The following DNMT3A variants were observed in gnomAD, a reference collection of about 807,000 sequenced individuals.
The protein encoded by DNMT3A is DNA methyltransferase 3 alpha, also known as DNA (cytosine-5)-methyltransferase 3A.
In DNMT3A, 267 loss-of-function variants were observed where a neutral mutation model predicts 117.6. That is an observed-to-expected ratio of 2.27 (90% CI 2.05 to 2.51). DNMT3A has a LOEUF of 2.51. DNMT3A is among the 30% of genes most tolerant of loss of function. The pLI is 0.00. For synonymous variants in DNMT3A, 432 were observed against 474.8 expected, an observed-to-expected ratio of 0.91 and a Z score of 1.17; for missense variants, 1,029 against 1,260.2, an observed-to-expected ratio of 0.82 and a Z score of 2.78.
chr2:25,314,728 AGGAG>A, intron 1 of DNMT3A: 2 of 985,146 alleles, frequency 2.0e-6, no homozygotes, highest in Non-Finnish European at 2.4e-6. Context: ...GCTCTGGCCT[AGGAG>A]GGAGAGGCCA....
At position 25,230,648 on chromosome 2, in the gene DNMT3A, C is replaced by G. The variant is rs918661056; in HGVS notation, c.*3631G>C. On this transcript the variant is annotated 3_prime_UTR_variant, in exon 23 of 23. Coordinates refer to ENST00000321117, the MANE Select transcript of DNMT3A (RefSeq NM_022552.5). ...CAATACCTGTCCCCAGAGGCCCCAG[C>G]GTTGAGGTGGATTAAGCATATCTCA... 6.6e-6 allele frequency: 1 copy of G among 152,454 alleles called. No individual in the cohort carries two copies. The allele number at this position is 152,454 out of a possible 1,614,324, so 9.4% of individuals were successfully genotyped here.
At chr2:25,250,460 G>A (rs1573351214) in intron 6 of DNMT3A, among the ~76,000 whole-genome samples, 1 of 152,188 alleles carries the variant, frequency 6.6e-6, no homozygotes. Context: ...CTCACGGATC[G>A]GACTGCGGGG....
chr2:25,327,926 T>G lies in DNMT3A; in HGVS notation c.-177-13765A>C, dbSNP rs1207401100. On this transcript the variant is annotated intron_variant, in intron 1 of 22. Transcript: ENST00000321117. This position sits in a 1 kb window ranked among gnomAD's most constrained non-coding sequence, Gnocchi z 4.1. Reference sequence around the variant, plus strand: ...GTCCTCACATCCAGCAGGTACCTGGTCCTTGGGCTTCTCTCGTCCCCCTAT... The same window carrying G: ...GTCCTCACATCCAGCAGGTACCTGGGCCTTGGGCTTCTCTCGTCCCCCTAT... 6.6e-6 allele frequency among the ~76,000 whole-genome samples: 1 copy of G among 152,146 alleles called. No homozygotes were observed. The highest frequency in any genetic ancestry group is 1.5e-5 in the Non-Finnish European group (1 of 68,016).
At chr2:25,263,610 T>C (rs1391231097) in intron 6 of DNMT3A, among the ~76,000 whole-genome samples, 1 of 152,180 alleles carries the variant, frequency 6.6e-6, no homozygotes, top group African/African-American at 2.4e-5. Context: ...ACCCCATATG[T>C]GAACATCCCA....
rs1318099010 is a variant in DNMT3A at position 25,236,876 on chromosome 2, C to T, written c.2478+60G>A. ...GGACAAGGCCCTGGCCACCGCTCCACCTCATCCTGCCCTTCCTTCTCCCTG... is the reference window on the plus strand; with the variant it reads ...GGACAAGGCCCTGGCCACCGCTCCATCTCATCCTGCCCTTCCTTCTCCCTG... On this transcript the variant is annotated intron_variant, in intron 21 of 22. Transcript: ENST00000321117. The surrounding 1 kb of genome is among the most constrained non-coding windows in gnomAD (Gnocchi z 4.5). The T allele has an allele frequency of 6.4e-7, 1 of 1,556,358 alleles. No homozygotes were observed. Among genetic ancestry groups the T allele is most frequent in the Non-Finnish European group, 8.7e-7 (1 of 1,144,054 alleles).
intron 1 of DNMT3A, among the ~76,000 whole-genome samples, chr2:25,338,826 A>G (rs1341748431): frequency 2.0e-5 from 3 of 152,160 alleles, no homozygotes; most frequent in Non-Finnish European, 4.4e-5. Context: ...TAGCTTTTTG[A>G]GAACCACTGG....
Position 25,252,808 on chromosome 2 carries a change from A to G in DNMT3A, c.640-4556T>C, listed in dbSNP as rs1675754757. Among the ~76,000 whole-genome samples the G allele has an allele frequency of 6.6e-6, 1 of 151,444 alleles. No homozygotes were observed. Among genetic ancestry groups the G allele is most frequent in the South Asian group, 2.1e-4 (1 of 4,824 alleles). The stretch of plus-strand genomic sequence containing the variant: ...GAAAAAGCTTACAGATAGGAGGCCC[A>G]GGAAGCTGTAGGAAAACTCAGCACA... On this transcript the variant is annotated intron_variant, in intron 6 of 22. Transcript: ENST00000321117. This position sits in a 1 kb window ranked among gnomAD's most constrained non-coding sequence, Gnocchi z 5.5.
At chr2:25,310,647 G>T (rs1442778073) in intron 2 of DNMT3A, among the ~76,000 whole-genome samples, 1 of 152,022 alleles carries the variant, frequency 6.6e-6, no homozygotes, top group African/African-American at 2.4e-5. Flanking sequence ...TTTTCTTTCC[G>T]TTCTATCCGT....
chr2:25,246,107 C>T (rs1420296664), intron 11 of DNMT3A, 43 bp from the exon 12 acceptor site: 13 of 1,614,224 alleles, frequency 8.1e-6, no homozygotes, highest in Middle Eastern at 1.6e-4. Flanking sequence ...GCCGCGCCTG[C>T]TCCTCGGATG....
At chr2:25,278,042 C>CACACACACACACACACACACAG (rs150400657) in intron 4 of DNMT3A, among the ~76,000 whole-genome samples, 3 of 146,294 alleles carry the variant, frequency 2.1e-5, no homozygotes, top group Admixed American at 6.8e-5. Flanking sequence ...CACACACAGA[C>CACACACACACACACACACACAG]ACACACGCTT....
At chr2:25,303,078 C>A (rs2033604648) in intron 2 of DNMT3A, among the ~76,000 whole-genome samples, 2 of 152,218 alleles carry the variant, frequency 1.3e-5, no homozygotes, top group Admixed American at 1.3e-4. Context: ...TCCCCAGCGC[C>A]TAGGGCAGAT....
chr2:25,256,029 A>G (rs1048082271), intron 6 of DNMT3A, among the ~76,000 whole-genome samples: 1 of 152,134 alleles, frequency 6.6e-6, no homozygotes, highest in Non-Finnish European at 1.5e-5. Flanking sequence ...TTACCATGCG[A>G]GTCTCTCTAC....
chr2:25,334,844 T>C (rs892100575), intron 1 of DNMT3A, among the ~76,000 whole-genome samples: 3 of 152,242 alleles, frequency 2.0e-5, no homozygotes, highest in African/African-American at 7.2e-5. Context: ...TTATCCATTA[T>C]AAAAAAGAGT....
At chr2:25,268,178 T>A (rs1277889550) in intron 6 of DNMT3A, among the ~76,000 whole-genome samples, 1 of 152,132 alleles carries the variant, frequency 6.6e-6, no homozygotes, top group Non-Finnish European at 1.5e-5. Flanking sequence ...ATTATCACTA[T>A]TCAATATTAT....
Position 25,231,334 on chromosome 2 carries a change from C to G in DNMT3A, c.*2945G>C, listed in dbSNP as rs993344257. ...GGCAGAGGCTCCCTTCCTCGCTGCTCCAGCCCCACAGCAGCCCAGTCACCA... is the reference window on the plus strand; with the variant it reads ...GGCAGAGGCTCCCTTCCTCGCTGCTGCAGCCCCACAGCAGCCCAGTCACCA... On this transcript the variant is annotated 3_prime_UTR_variant, in exon 23 of 23. Transcript: ENST00000321117. 2.6e-5 allele frequency: 4 copies of G among 152,316 alleles called. No individual in the cohort carries two copies. Among genetic ancestry groups the G allele is most frequent in the African/African-American group, 9.7e-5 (4 of 41,438 alleles). The allele number at this position is 152,316 out of a possible 1,614,324, so 9.4% of individuals were successfully genotyped here.
At chr2:25,235,467 G>A (rs972764465) in intron 22 of DNMT3A, among the ~76,000 whole-genome samples, 2 of 152,150 alleles carry the variant, frequency 1.3e-5, no homozygotes, top group Non-Finnish European at 2.9e-5. Flanking sequence ...TTATAGGCAT[G>A]AGCCACTGCT....
At position 25,293,830 on chromosome 2, in the gene DNMT3A, A is replaced by G. The variant is rs2032928693; in HGVS notation, c.177+6309T>C. Among the ~76,000 whole-genome samples the G allele has an allele frequency of 6.6e-6, 1 of 152,108 alleles. No homozygotes were observed. Among genetic ancestry groups the G allele is most frequent in the South Asian group, 2.1e-4 (1 of 4,828 alleles). On this transcript the variant is annotated intron_variant, in intron 3 of 22. Coordinates refer to ENST00000321117, the MANE Select transcript of DNMT3A (RefSeq NM_022552.5). This position sits in a 1 kb window ranked among gnomAD's most constrained non-coding sequence, Gnocchi z 4.7. ...TGGGACCACAGGTATGTGCCACCACATTCGGCTTTTTTCTATTTTTAGTAG... is the reference window on the plus strand; with the variant it reads ...TGGGACCACAGGTATGTGCCACCACGTTCGGCTTTTTTCTATTTTTAGTAG...
intron 1 of DNMT3A, among the ~76,000 whole-genome samples, chr2:25,335,361 T>C (rs115601290): frequency 0.01 from 1,524 of 152,312 alleles, 24 homozygotes; most frequent in African/African-American, 0.035. Context: ...CCCACTGGCT[T>C]GGCAGGGGCA....
At chr2:25,240,162 G>A in intron 19 of DNMT3A, 140 bp downstream of exon 19, 1 of 1,252,114 alleles carries the variant, frequency 8.0e-7, no homozygotes, top group Non-Finnish European at 1.1e-6. Flanking sequence ...TATCCAGGAA[G>A]CCTGGGGCTT....
Sources: gnomAD v4.1 joint callset for allele counts (sites outside exome capture counted in the v4.1 genomes callset) on GRCh38, gnomAD v4.1.1 for gene constraint, Gnocchi (gnomAD v3.1) non-coding constraint, MANE v1.5 for transcripts, NCBI Gene and HGNC (gene_info 2026-07-23, HGNC 2026-07-21) for gene names.